The following EIF2A variants were observed in gnomAD, a reference collection of about 807,000 sequenced individuals.
The protein encoded by EIF2A is eukaryotic translation initiation factor 2A.
In EIF2A, 62 loss-of-function variants were observed where a neutral mutation model predicts 75.2. That is an observed-to-expected ratio of 0.82 (90% CI 0.67 to 1.02). The LOEUF (loss-of-function observed/expected upper bound fraction) is 1.02, where lower values mean the gene tolerates loss of function less well. Ranked by LOEUF, EIF2A falls within the 50% of genes least tolerant of loss-of-function variation. The pLI is 0.00. For synonymous variants in EIF2A, 207 were observed against 239.0 expected, an observed-to-expected ratio of 0.87 and a Z score of 1.23; for missense variants, 611 against 677.7, an observed-to-expected ratio of 0.90 and a Z score of 1.09.
At chr3:150,548,153 C>T (rs1723141503) in intron 1 of EIF2A, among the ~76,000 whole-genome samples, 1 of 152,138 alleles carries the variant, frequency 6.6e-6, no homozygotes, top group South Asian at 2.1e-4. Context: ...TTTGGTGCTC[C>T]ATCAATACTG....
At chr3:150,547,253 T>A (rs1283775840) in intron 1 of EIF2A, 1 of 190,808 alleles carries the variant, frequency 5.2e-6, no homozygotes, top group Admixed American at 5.3e-5. Flanking sequence ...TGGACTTAAG[T>A]AATTCCAGAT....
chr3:150,547,194 G>A, intron 1 of EIF2A: 1 of 278,642 alleles, frequency 3.6e-6, no homozygotes, highest in East Asian at 7.8e-5. Flanking sequence ...TAAGAACAAA[G>A]ACAAACATGA....
intron 10 of EIF2A, among the ~76,000 whole-genome samples, chr3:150,574,194 C>T (rs1195714760): frequency 6.6e-6 from 1 of 151,892 alleles, no homozygotes; most frequent in African/African-American, 2.4e-5. Flanking sequence ...AAAAACAGTC[C>T]CATAATAATT....
Position 150,581,744 on chromosome 3 carries a change from A to G in EIF2A, c.1624A>G (p.Lys542Glu), listed in dbSNP as rs1364407281. The G allele has an allele frequency of 6.4e-7, 1 of 1,558,032 alleles. No homozygotes were observed. The highest frequency in any genetic ancestry group is 1.4e-5 in the African/African-American group (1 of 73,460). Reference sequence around the variant, plus strand: ...AGACAAAAAAATCAAGAACCTAAAGAAGGTGAGAGACTTAAAAACAGATGT... The same window carrying G: ...AGACAAAAAAATCAAGAACCTAAAGGAGGTGAGAGACTTAAAAACAGATGT... ...EIDKKIKNLK[K>E]KLKAIEQLKE... Residue 542 changes from lysine to glutamate, a missense_variant and splice_region_variant, in exon 12 of 14, where the codon AAG becomes GAG. By Grantham distance (56) the Lys-to-Glu change is moderately conservative. Coordinates refer to ENST00000460851, the MANE Select transcript of EIF2A (RefSeq NM_032025.5).
chr3:150,562,379 G>A (rs551436805), intron 3 of EIF2A, among the ~76,000 whole-genome samples, 163 bp from the exon 4 acceptor site: 9 of 151,160 alleles, frequency 6.0e-5, no homozygotes, highest in South Asian at 4.2e-4. Context: ...CCGAGATTGC[G>A]CCACTGCACT....
At chr3:150,554,417 G>A (rs1034301184) in intron 2 of EIF2A, among the ~76,000 whole-genome samples, 7 of 152,186 alleles carry the variant, frequency 4.6e-5, no homozygotes, top group Admixed American at 3.9e-4. Flanking sequence ...AATGGAGAAT[G>A]GATGCTGGAT....
At position 150,552,430 on chromosome 3, in the gene EIF2A, G is replaced by C. The variant is rs745627368; in HGVS notation, c.98+5G>C. The C allele has an allele frequency of 1.3e-6, 2 of 1,551,168 alleles. No individual in the cohort carries two copies. The highest frequency in any genetic ancestry group is 1.7e-6 in the Non-Finnish European group (2 of 1,146,514). On this transcript the variant is annotated splice_donor_5th_base_variant and intron_variant, in intron 2 of 13. Coordinates refer to ENST00000460851, the MANE Select transcript of EIF2A (RefSeq NM_032025.5). ...AGAAAGCACAGTGTTTCCAAGGTAT[G>C]ATTTATTTTGTTAAGTAATGTTATA...
chr3:150,573,837 T>A (rs1372823228), intron 10 of EIF2A, among the ~76,000 whole-genome samples: 1 of 152,086 alleles, frequency 6.6e-6, no homozygotes, highest in Non-Finnish European at 1.5e-5. Flanking sequence ...AGAAAAAAGT[T>A]TTTTATAAGT....
chr3:150,552,483 T>C, intron 2 of EIF2A, 58 bp downstream of exon 2: 4 of 1,423,656 alleles, frequency 2.8e-6, no homozygotes, highest in Non-Finnish European at 3.8e-6. Context: ...TCTAAAATGG[T>C]TTTGTTGGTG....
At chr3:150,563,025 A>G (rs1019502209) in intron 4 of EIF2A, 2 of 187,328 alleles carry the variant, frequency 1.1e-5, no homozygotes, top group African/African-American at 4.8e-5. Context: ...GAAGTACAGT[A>G]GACAAAACAT....
intron 1 of EIF2A, among the ~76,000 whole-genome samples, chr3:150,550,269 T>G (rs1723249298): frequency 6.6e-6 from 1 of 152,238 alleles, no homozygotes; most frequent in Non-Finnish European, 1.5e-5. Flanking sequence ...TTAAGCTAAC[T>G]ACGCATTGTA....
chr3:150,554,307 G>A (rs1723458235), intron 2 of EIF2A, among the ~76,000 whole-genome samples: 1 of 152,076 alleles, frequency 6.6e-6, no homozygotes, highest in Middle Eastern at 3.2e-3. Context: ...ATAAAGGGAA[G>A]GAGTCAAGCA....
At chr3:150,559,078 T>A (rs1196427060) in intron 3 of EIF2A, among the ~76,000 whole-genome samples, 2 of 152,200 alleles carry the variant, frequency 1.3e-5, no homozygotes, top group Admixed American at 1.3e-4. Flanking sequence ...GCCCAAATAT[T>A]TGTTGCTTGG....
At chr3:150,578,895 T>G (rs1318439923) in intron 11 of EIF2A, among the ~76,000 whole-genome samples, 4 of 152,194 alleles carry the variant, frequency 2.6e-5, no homozygotes, top group Non-Finnish European at 4.4e-5. Context: ...CTAGTATTTT[T>G]GTAAACTGGT....
chr3:150,548,107 CTT>C (rs1387332414), intron 1 of EIF2A, among the ~76,000 whole-genome samples: 4 of 152,146 alleles, frequency 2.6e-5, no homozygotes, highest in African/African-American at 9.7e-5. Context: ...TTGAATTGCT[CTT>C]GAGACTCATT....
At chr3:150,553,170 T>C (rs796791615) in intron 2 of EIF2A, among the ~76,000 whole-genome samples, 6 of 151,960 alleles carry the variant, frequency 3.9e-5, no homozygotes, top group African/African-American at 1.4e-4. Flanking sequence ...ATACAAAAAT[T>C]AGCCGGGTGT....
chr3:150,575,207 T>C (rs1406089298), intron 10 of EIF2A, among the ~76,000 whole-genome samples: 1 of 152,224 alleles, frequency 6.6e-6, no homozygotes, highest in Non-Finnish European at 1.5e-5. Context: ...TTTGCTTTTA[T>C]TTTTAATCTT....
intron 1 of EIF2A, among the ~76,000 whole-genome samples, chr3:150,548,621 G>A (rs999157408): frequency 5.3e-5 from 8 of 152,178 alleles, no homozygotes; most frequent in African/African-American, 1.4e-4. Context: ...TCATAAGAGC[G>A]CAAACCCTAT....
intron 6 of EIF2A, chr3:150,564,825 A>G (rs1045021123): frequency 5.3e-6 from 1 of 186,946 alleles, no homozygotes; most frequent in Non-Finnish European, 1.1e-5. Flanking sequence ...ATACTTGTTA[A>G]ATATGTAATT....
Sources: gnomAD v4.1 joint callset for allele counts (sites outside exome capture counted in the v4.1 genomes callset) on GRCh38, gnomAD v4.1.1 for gene constraint, MANE v1.5 for transcripts, NCBI Gene and HGNC (gene_info 2026-07-23, HGNC 2026-07-21) for gene names.